Variants in FOXA2 observed in about 807,000 individuals in gnomAD.
FOXA2 encodes hepatocyte nuclear factor 3-beta.
In FOXA2, 9 loss-of-function variants were observed where a neutral mutation model predicts 33.3. The ratio of observed to expected loss-of-function variants is 0.27; its 90% CI spans 0.16 to 0.47. The LOEUF is 0.47. Ranked by LOEUF, FOXA2 falls within the 20% of genes least tolerant of loss-of-function variation. The pLI is 0.99. For missense variants in FOXA2, 704 were observed against 659.9 expected (o/e 1.07, Z -0.73); for synonymous variants, 329 against 289.4 (o/e 1.14, Z -1.39).
chr20:22,582,009 G>GT lies in FOXA2; in HGVS notation c.1232dup (p.Tyr411Ter). ...AGCCGGGGTAGTGCATCACCTGTTCGTAGGCCTTGAGGTCCATTTTGTGGG... is the reference window on the plus strand; with the variant it reads ...AGCCGGGGTAGTGCATCACCTGTTCGTTAGGCCTTGAGGTCCATTTTGTGGG... ...HQPHKMDLKA[Y>*]EQVMHYPGYG... is the part of the protein sequence containing the mutation. The change falls in exon 2 of 2, where the codon TAC becomes TAAC. Residue 411 changes from tyrosine (Y) to a stop codon, truncating the protein, a stop_gained and frameshift_variant. Transcript: ENST00000419308. LOFTEE classifies it high-confidence loss of function. The GT allele has an allele frequency of 1.2e-6, 2 of 1,614,198 alleles. No individual in the cohort carries two copies. The highest frequency in any genetic ancestry group is 1.7e-6 in the Non-Finnish European group (2 of 1,180,020).
rs1020264667 is a variant in FOXA2, at chr20:22,584,115, C to A, written c.87+77G>T. On this transcript the variant is annotated intron_variant, in intron 1 of 1. Transcript: ENST00000419308. ...GTGGGGCGGGGTGGGGGGGTGCCAG[C>A]GAGGGAAGCGGTCCTGAGGTTGGGG... 4.9e-6 allele frequency: 7 copies of A among 1,417,884 alleles called. No individual in the cohort carries two copies. The Admixed American group carries it at 1.2e-4, about 24-fold the overall frequency. 87.8% of individuals were successfully genotyped at this position (1,417,884 alleles called of 1,614,324 possible). A position where few individuals can be genotyped will look rare whatever the true frequency, so the allele number is the denominator to read the frequency against.
chr20:22,583,713 T>G (rs963871005), intron 1 of FOXA2, among the ~76,000 whole-genome samples: 8 of 152,314 alleles, frequency 5.3e-5, no homozygotes, highest in African/African-American at 1.7e-4. Context: ...CTGGAGGCAC[T>G]GAACGGGGCA....
chr20:22,584,576 G>C (rs1013167375), upstream of FOXA2: 19 of 280,860 alleles, frequency 6.8e-5, no homozygotes, highest in Non-Finnish European at 1.2e-4. Context: ...TGGCAGTGCC[G>C]AGCTGCCCCG....
At chr20:22,583,753 C>G (rs370626488) in intron 1 of FOXA2, among the ~76,000 whole-genome samples, 26 of 152,186 alleles carry the variant, frequency 1.7e-4, no homozygotes, top group Non-Finnish European at 3.2e-4. Context: ...CTGAACCACA[C>G]GCGGCTGAGC....
chr20:22,582,933 G>C lies in FOXA2; in HGVS notation c.309C>G (p.Ala103=), dbSNP rs1800847. 2 of 1,528,402 alleles carry C rather than the reference G, an allele frequency of 1.3e-6. No homozygotes were observed. Among genetic ancestry groups the C allele is most frequent in the South Asian group, 2.4e-5 (2 of 81,734 alleles). The allele number at this position is 1,528,402 out of a possible 1,614,324, so 94.7% of individuals were successfully genotyped here. A position where few individuals can be genotyped will look rare whatever the true frequency, so the allele number is the denominator to read the frequency against. The change falls in exon 2 of 2, where the codon GCC becomes GCG. Residue 103 remains alanine, a synonymous_variant. Transcript: ENST00000419308. ...MAGMGGSAGA[A]GVAGMGPHLS... is the part of the protein sequence containing the mutation. ...AGTGCGGCCCCATGCCCGCCACGCC[G>C]GCCGCCCCGGCCGAGCCGCCCATGC...
At position 22,582,025 on chromosome 20, in the gene FOXA2, A is replaced by G; in HGVS notation, c.1217T>C (p.Met406Thr). The stretch of plus-strand genomic sequence containing the variant: ...CACCTGTTCGTAGGCCTTGAGGTCC[A>G]TTTTGTGGGGTTGGTGGTGGTGGTG... ...HSHHHHQPHK[M>T]DLKAYEQVMH... is the part of the protein sequence containing the mutation. The change falls in exon 2 of 2, where the codon ATG (methionine) becomes ACG (threonine). Residue 406 changes from methionine to threonine, a missense_variant. Physicochemically the swap from Met to Thr is moderately conservative, Grantham distance 81. Around this residue, in one of 5 missense-constraint regions of FOXA2, gnomAD observed 343 missense variants for 274.8 expected, o/e 1.25. Transcript: ENST00000419308. 1 of 1,614,092 alleles carries G rather than the reference A, an allele frequency of 6.2e-7. No homozygotes were observed. Among genetic ancestry groups the G allele is most frequent in the Non-Finnish European group, 8.5e-7 (1 of 1,180,002 alleles).
upstream of FOXA2, among the ~76,000 whole-genome samples, chr20:22,584,696 AGG>A (rs1984716010): frequency 6.9e-6 from 1 of 144,768 alleles, no homozygotes; most frequent in Non-Finnish European, 1.5e-5. Context: ...GAGGAGGAGG[AGG>A]AGGAGGAGGA....
rs1329499570 is a variant in FOXA2, at chr20:22,582,267, C to A, written c.975G>T (p.Leu325=). ...SPCQEHKRGG[L]GELKGTPAAA... is the part of the protein sequence containing the mutation. ...CAGCCGGCGTCCCCTTCAGCTCTCC[C>A]AGGCCCCCTCGCTTGTGCTCCTGGC... The change falls in exon 2 of 2, where the codon CTG becomes CTT. Residue 325 remains leucine, a synonymous_variant. Coordinates refer to ENST00000419308, the MANE Select transcript of FOXA2 (RefSeq NM_021784.5). 1 of 1,467,390 alleles carries A rather than the reference C, an allele frequency of 6.8e-7. No individual in the cohort carries two copies. The highest frequency in any genetic ancestry group is 2.5e-5 in the East Asian group (1 of 39,340). 90.9% of individuals were successfully genotyped at this position (1,467,390 alleles called of 1,614,324 possible).
At position 22,581,760 on chromosome 20, in the gene FOXA2, C is replaced by T. The variant is rs760993089; in HGVS notation, c.*90G>A. 9.6e-6 allele frequency: 12 copies of T among 1,253,988 alleles called. No individual in the cohort carries two copies. Among genetic ancestry groups the T allele is most frequent in the African/African-American group, 1.5e-5 (1 of 67,624 alleles). 77.7% of individuals were successfully genotyped at this position (1,253,988 alleles called of 1,614,324 possible). A position where few individuals can be genotyped will look rare whatever the true frequency, so the allele number is the denominator to read the frequency against. On this transcript the variant is annotated 3_prime_UTR_variant, in exon 2 of 2. Coordinates refer to ENST00000419308, the MANE Select transcript of FOXA2 (RefSeq NM_021784.5). ...CTTCTCCCTTGCGTCTCTGCAACAC[C>T]GTCTCCCCAAAGTCTCGACCCCCAC...
rs1375550904 is a variant in FOXA2 at position 22,581,720 on chromosome 20, G to A, written c.*130C>T. Reference sequence around the variant, plus strand: ...TGCTGTCTTGGGGGTGTTGGGGTGGGGGTGTTATGGATTTCTTCTCCCTTG... The same window carrying A: ...TGCTGTCTTGGGGGTGTTGGGGTGGAGGTGTTATGGATTTCTTCTCCCTTG... On this transcript the variant is annotated 3_prime_UTR_variant, in exon 2 of 2. Transcript: ENST00000419308. 1 of 825,456 alleles carries A rather than the reference G, an allele frequency of 1.2e-6. No individual in the cohort carries two copies. The highest frequency in any genetic ancestry group is 2.0e-6 in the Non-Finnish European group (1 of 502,418). The allele number at this position is 825,456 out of a possible 1,614,324, so 51.1% of individuals were successfully genotyped here.
Position 22,582,950 on chromosome 20 carries a change from C to G in FOXA2, c.292G>C (p.Gly98Arg). The stretch of plus-strand genomic sequence containing the variant: ...GCCACGCCGGCCGCCCCGGCCGAGC[C>G]GCCCATGCCCGCCATGGCGCCCGCG... ...PGAGAMAGMG[G>R]SAGAAGVAGM... The change falls in exon 2 of 2, where the codon GGC becomes CGC. Residue 98 changes from glycine (G) to arginine (R), a missense_variant. Around this residue, in one of 5 missense-constraint regions of FOXA2, gnomAD observed 304 missense variants for 251.7 expected, o/e 1.21. Coordinates refer to ENST00000419308, the MANE Select transcript of FOXA2 (RefSeq NM_021784.5). The G allele has an allele frequency of 6.3e-7, 1 of 1,578,402 alleles. No individual in the cohort carries two copies. The highest frequency in any genetic ancestry group is 2.3e-5 in the East Asian group (1 of 42,792).
Position 22,582,946 on chromosome 20 carries a change from G to A in FOXA2, c.296C>T (p.Ser99Leu), listed in dbSNP as rs200457711. The A allele has an allele frequency of 1.0e-5, 16 of 1,570,138 alleles. No homozygotes were observed. Among genetic ancestry groups the A allele is most frequent in the Admixed American group, 9.1e-5 (5 of 54,886 alleles). The stretch of plus-strand genomic sequence containing the variant: ...GCCCGCCACGCCGGCCGCCCCGGCC[G>A]AGCCGCCCATGCCCGCCATGGCGCC... ...GAGAMAGMGGSAGAAGVAGMG... is the reference protein window; with the variant it reads ...GAGAMAGMGGLAGAAGVAGMG... The change falls in exon 2 of 2, where the codon TCG (serine) becomes TTG (leucine). Residue 99 changes from serine to leucine, a missense_variant. Ser to Leu is a moderately radical substitution (Grantham distance 145, BLOSUM62 -2). This residue lies in a region of FOXA2 where 304 missense variants were observed against 251.7 expected (regional missense o/e 1.21). Coordinates refer to ENST00000419308, the MANE Select transcript of FOXA2 (RefSeq NM_021784.5).
chr20:22,583,620 C>T (rs1046251580), intron 1 of FOXA2, among the ~76,000 whole-genome samples: 2 of 152,252 alleles, frequency 1.3e-5, no homozygotes, highest in African/African-American at 4.8e-5. Flanking sequence ...TCCCGGGCCC[C>T]CTCTGTCCGG....
rs112021763 is a variant in FOXA2 at position 22,581,333 on chromosome 20, C to CTT, written c.*515_*516dup. On this transcript the variant is annotated 3_prime_UTR_variant, in exon 2 of 2. Coordinates refer to ENST00000419308, the MANE Select transcript of FOXA2 (RefSeq NM_021784.5). ...TTTCACCGTGTCAAGATTGGGAATG[C>CTT]TTTTTTTTTCTTTTTCTTGGTCATT... 2,778 of 151,722 alleles carry CTT rather than the reference C, an allele frequency of 0.018. 94 individuals are homozygous for CTT. The highest frequency in any genetic ancestry group is 0.063 in the African/African-American group (2,582 of 41,184). The allele number at this position is 151,722 out of a possible 1,614,324, so 9.4% of individuals were successfully genotyped here. A position where few individuals can be genotyped will look rare whatever the true frequency, so the allele number is the denominator to read the frequency against.
In FOXA2 at chr20:22,582,256, T is replaced by C; in HGVS notation, c.986A>G (p.Lys329Arg). 2.0e-6 allele frequency: 3 copies of C among 1,470,850 alleles called. No homozygotes were observed. The highest frequency in any genetic ancestry group is 2.7e-6 in the Non-Finnish European group (3 of 1,118,598). 91.1% of individuals were successfully genotyped at this position (1,470,850 alleles called of 1,614,324 possible). ...GCTCAGCGCCGCAGCCGGCGTCCCCTTCAGCTCTCCCAGGCCCCCTCGCTT... is the reference window on the plus strand; with the variant it reads ...GCTCAGCGCCGCAGCCGGCGTCCCCCTCAGCTCTCCCAGGCCCCCTCGCTT... Reference protein sequence around the residue: ...EHKRGGLGELKGTPAAALSPP... With the variant: ...EHKRGGLGELRGTPAAALSPP... Residue 329 changes from lysine to arginine, a missense_variant, in exon 2 of 2, where the codon AAG becomes AGG. Lys to Arg is a conservative substitution (Grantham distance 26, BLOSUM62 2). Around this residue, in one of 5 missense-constraint regions of FOXA2, gnomAD observed 343 missense variants for 274.8 expected, o/e 1.25. Transcript: ENST00000419308.
chr20:22,582,210 A>C lies in FOXA2; in HGVS notation c.1032T>G (p.Ser344=). 1.3e-6 allele frequency: 2 copies of C among 1,544,998 alleles called. No homozygotes were observed. The highest frequency in any genetic ancestry group is 2.4e-5 in the South Asian group (2 of 83,556). The change falls in exon 2 of 2, where the codon TCT becomes TCG. Residue 344 remains serine, a synonymous_variant. Coordinates refer to ENST00000419308, the MANE Select transcript of FOXA2 (RefSeq NM_021784.5). ...AALSPPEPAP[S]PGQQQQAAAH... The stretch of plus-strand genomic sequence containing the variant: ...CCGCGGCCTGCTGCTGCTGCCCGGG[A>C]GAGGGCGCCGGCTCTGGGGGGCTCA...
chr20:22,583,649 C>T (rs895466299), intron 1 of FOXA2, among the ~76,000 whole-genome samples: 11 of 152,368 alleles, frequency 7.2e-5, no homozygotes, highest in African/African-American at 2.4e-4. Context: ...CAGGGACCCC[C>T]TCCCTTGTCC....
At chr20:22,583,429 A>G (rs1483969082) in intron 1 of FOXA2, among the ~76,000 whole-genome samples, 2 of 152,196 alleles carry the variant, frequency 1.3e-5, no homozygotes, top group Non-Finnish European at 2.9e-5. Flanking sequence ...CAGGGGTCCC[A>G]TGGAGTACTC....
At chr20:22,584,834 C>T (rs1984722557), upstream of FOXA2, among the ~76,000 whole-genome samples, 1 of 152,122 alleles carries the variant, frequency 6.6e-6, no homozygotes, top group Non-Finnish European at 1.5e-5. Flanking sequence ...ATAATCAGCT[C>T]ACACCTAGGT....
Sources: allele counts gnomAD v4.1 joint callset (sites outside exome capture counted in the v4.1 genomes callset), GRCh38; gene constraint gnomAD v4.1.1; regional missense constraint gnomAD v4.1.1; transcripts MANE v1.5; gene names NCBI Gene and HGNC (gene_info 2026-07-23, HGNC 2026-07-21).